Variants in TMPRSS6 observed in about 807,000 individuals in gnomAD.
The protein encoded by TMPRSS6 is transmembrane serine protease 6.
Under a neutral mutation model 101.5 loss-of-function variants are expected in TMPRSS6, and 67 were observed. The observed-to-expected ratio is 0.66, with a 90% CI of 0.54 to 0.81. TMPRSS6 has a LOEUF of 0.81. Ranked by LOEUF, TMPRSS6 falls within the 30% of genes least tolerant of loss-of-function variation. The pLI, the probability that TMPRSS6 is intolerant of heterozygous loss-of-function variation, is 0.00. For synonymous variants in TMPRSS6, 453 were observed against 464.9 expected, an observed-to-expected ratio of 0.97 and a Z score of 0.33; for missense variants, 1,034 against 1,088.7, an observed-to-expected ratio of 0.95 and a Z score of 0.71.
intron 10 of TMPRSS6, among the ~76,000 whole-genome samples, chr22:37,078,758 A>C (rs1927910326): frequency 7.5e-6 from 1 of 133,424 alleles, no homozygotes; most frequent in Non-Finnish European, 1.6e-5. Context: ...AAGAAAGGAG[A>C]AAGAGAATGA....
chr22:37,080,928 G>A (rs924728891), intron 10 of TMPRSS6, among the ~76,000 whole-genome samples: 1 of 152,256 alleles, frequency 6.6e-6, no homozygotes, highest in Non-Finnish European at 1.5e-5. Flanking sequence ...ACACATGCAC[G>A]TACACGTGCA....
At chr22:37,105,055 T>C (rs1930628249) in intron 1 of TMPRSS6, among the ~76,000 whole-genome samples, 2 of 152,114 alleles carry the variant, frequency 1.3e-5, no homozygotes, top group Non-Finnish European at 2.9e-5. Context: ...ACAGCGGGTT[T>C]CCAAAAACGG....
At chr22:37,078,955 A>G (rs912908518) in intron 10 of TMPRSS6, among the ~76,000 whole-genome samples, 12,423 of 108,898 alleles carry the variant, frequency 0.11, 1,010 homozygotes, top group African/African-American at 0.17. Context: ...GAAGGAGAAA[A>G]AGAGAAAGAA....
rs551328508 is a variant in TMPRSS6 at position 37,072,187 on chromosome 22, T to C, written c.1556-1155A>G. On this transcript the variant is annotated intron_variant, in intron 13 of 17. Transcript: ENST00000676104. Reference sequence around the variant, plus strand: ...GATGGATGAACGGATGATGGATGGATGGATGATGGATGAATGGATGGATGG... The same window carrying C: ...GATGGATGAACGGATGATGGATGGACGGATGATGGATGAATGGATGGATGG... 4.9e-5 allele frequency among the ~76,000 whole-genome samples: 7 copies of C among 142,260 alleles called. No homozygotes were observed. In the South Asian group the frequency reaches 1.6e-3, roughly 32 times the overall value. 93.3% of individuals were successfully genotyped at this position (142,260 alleles called of 152,430 possible). A position where few individuals can be genotyped will look rare whatever the true frequency, so the allele number is the denominator to read the frequency against.
At chr22:37,078,257 C>T (rs371894020) in intron 10 of TMPRSS6, among the ~76,000 whole-genome samples, 1 of 152,178 alleles carries the variant, frequency 6.6e-6, no homozygotes, top group East Asian at 1.9e-4. Flanking sequence ...GAACGTTTCA[C>T]CCTAGAAGCA....
chr22:37,096,512 A>C (rs1929776233), intron 4 of TMPRSS6, 136 bp downstream of exon 4: 1 of 967,772 alleles, frequency 1.0e-6, no homozygotes. Flanking sequence ...GACATGCAGG[A>C]AGCCAAGTTC....
intron 10 of TMPRSS6, among the ~76,000 whole-genome samples, chr22:37,078,806 GAGGAGA>G (rs1927930830): frequency 6.7e-6 from 1 of 149,054 alleles, no homozygotes. Flanking sequence ...GGAGGAGGAA[GAGGAGA>G]AGGAGAAGAA....
chr22:37,077,536 A>G (rs1167151481), intron 10 of TMPRSS6, among the ~76,000 whole-genome samples: 2 of 152,190 alleles, frequency 1.3e-5, no homozygotes, highest in Non-Finnish European at 2.9e-5. Context: ...TCATTCTCTC[A>G]TAAGGTGACA....
chr22:37,092,446 GC>G (rs1447128418), intron 6 of TMPRSS6, among the ~76,000 whole-genome samples: 1 of 143,978 alleles, frequency 6.9e-6, no homozygotes, highest in African/African-American at 2.6e-5. Flanking sequence ...TCCCACCTTA[GC>G]CCCCCACCCC....
In TMPRSS6 at chr22:37,103,006, C is replaced by T. The variant is rs5995380; in HGVS notation, c.202+210G>A. On this transcript the variant is annotated intron_variant, in intron 2 of 17. Transcript: ENST00000676104. The surrounding 1 kb of genome is among the most constrained non-coding windows in gnomAD (Gnocchi z 4.4). ...ACTTTGCCCAAGCAGGAAGCAGACC[C>T]GAGCCATAGGACCTGGAGCCAGGGT... Among the ~76,000 whole-genome samples, 31,372 of 151,906 alleles carry T rather than the reference C, an allele frequency of 0.21. 3,508 individuals carry two copies. The highest frequency in any genetic ancestry group is 0.28 in the African/African-American group (11,520 of 41,410).
At chr22:37,068,523 T>A in intron 16 of TMPRSS6, 2 of 759,770 alleles carry the variant, frequency 2.6e-6, no homozygotes, top group Non-Finnish European at 4.9e-6. Flanking sequence ...AGACCCTGTT[T>A]CTGAGAGCAG....
intron 7 of TMPRSS6, among the ~76,000 whole-genome samples, chr22:37,088,235 A>G (rs1928938656): frequency 1.3e-5 from 2 of 152,138 alleles, no homozygotes; most frequent in African/African-American, 2.4e-5. Flanking sequence ...GCCCACGCAC[A>G]TGCCGCAGAT....
chr22:37,100,584 T>A (rs968609055), intron 2 of TMPRSS6, among the ~76,000 whole-genome samples: 1 of 152,204 alleles, frequency 6.6e-6, no homozygotes, highest in Non-Finnish European at 1.5e-5. Flanking sequence ...GAAGTGGTCT[T>A]GGACTGGGAT....
chr22:37,075,015 A>G, intron 11 of TMPRSS6, 120 bp downstream of exon 11: 1 of 1,295,590 alleles, frequency 7.7e-7, no homozygotes, highest in Non-Finnish European at 1.1e-6. Flanking sequence ...ACACACACAC[A>G]CTCTCTCTCT....
chr22:37,082,812 G>A, intron 10 of TMPRSS6: 1 of 368,616 alleles, frequency 2.7e-6, no homozygotes, highest in Non-Finnish European at 5.3e-6. Context: ...CACTCCCCAT[G>A]TTACCCCCAA....
At chr22:37,070,463 C>T in intron 15 of TMPRSS6, 21 bp downstream of exon 15, 1 of 1,613,238 alleles carries the variant, frequency 6.2e-7, no homozygotes, top group Non-Finnish European at 8.5e-7. Context: ...ACTGCCTAGG[C>T]CCCCACACCC....
chr22:37,068,477 G>A (rs547899527), intron 16 of TMPRSS6: 20 of 652,350 alleles, frequency 3.1e-5, no homozygotes, highest in East Asian at 1.6e-4. Context: ...TGCGGTGGCC[G>A]CCAGGGACTC....
chr22:37,069,409 T>G lies in TMPRSS6; in HGVS notation c.1842-65A>C. 1 of 1,446,554 alleles carries G rather than the reference T, an allele frequency of 6.9e-7. No homozygotes were observed. Among genetic ancestry groups the G allele is most frequent in the Non-Finnish European group, 9.3e-7 (1 of 1,074,902 alleles). The allele number at this position is 1,446,554 out of a possible 1,614,324, so 89.6% of individuals were successfully genotyped here. On this transcript the variant is annotated intron_variant, in intron 15 of 17. Transcript: ENST00000676104. This position sits in a 1 kb window ranked among gnomAD's most constrained non-coding sequence, Gnocchi z 4.8. ...GGTGGGAGGAAGCTGCCTCTCCCCATCCAGGGACCCTCAAGATAGCCAGAT... is the reference window on the plus strand; with the variant it reads ...GGTGGGAGGAAGCTGCCTCTCCCCAGCCAGGGACCCTCAAGATAGCCAGAT...
At chr22:37,079,873 G>A (rs1292901870) in intron 10 of TMPRSS6, among the ~76,000 whole-genome samples, 1 of 152,252 alleles carries the variant, frequency 6.6e-6, no homozygotes, top group Non-Finnish European at 1.5e-5. Flanking sequence ...TTCCTACTAA[G>A]TGTCTGTGGC....
Sources: gnomAD v4.1 joint callset for allele counts (sites outside exome capture counted in the v4.1 genomes callset) on GRCh38, gnomAD v4.1.1 for gene constraint, Gnocchi (gnomAD v3.1) non-coding constraint, MANE v1.5 for transcripts, NCBI Gene and HGNC (gene_info 2026-07-23, HGNC 2026-07-21) for gene names.